The following MRAP2 variants were observed in gnomAD, a reference collection of about 807,000 sequenced individuals.
MRAP2 encodes the protein melanocortin 2 receptor accessory protein 2, also known as melanocortin-2 receptor accessory protein 2.
In MRAP2, 20 loss-of-function variants were observed where a neutral mutation model predicts 17.4. The observed-to-expected ratio is 1.15, with a 90% CI of 0.81 to 1.67. The LOEUF (loss-of-function observed/expected upper bound fraction) is 1.67, where lower values mean the gene tolerates loss of function less well. MRAP2 is among the 40% of genes most tolerant of loss of function. The pLI, the probability that MRAP2 is intolerant of heterozygous loss-of-function variation, is 0.00. For synonymous variants in MRAP2, 96 were observed against 88.4 expected, an observed-to-expected ratio of 1.09 and a Z score of -0.48; for missense variants, 238 against 240.0, an observed-to-expected ratio of 0.99 and a Z score of 0.05.
At chr6:84,060,853 T>A (rs2099492963) in intron 2 of MRAP2, among the ~76,000 whole-genome samples, 1 of 71,000 alleles carries the variant, frequency 1.4e-5, no homozygotes, top group Admixed American at 1.2e-4. Context: ...ACCCGGCTAA[T>A]TTTTTTTTTT....
At position 84,038,120 on chromosome 6, in the gene MRAP2, T is replaced by C. The variant is rs71570706; in HGVS notation, c.-8+4237T>C. On this transcript the variant is annotated intron_variant, in intron 1 of 3. Transcript: ENST00000257776. ...TTGGGCAAAGGATGTCTGAAGATGATCTGGGAGCCAGGTGGGGCCACATGG... is the reference window on the plus strand; with the variant it reads ...TTGGGCAAAGGATGTCTGAAGATGACCTGGGAGCCAGGTGGGGCCACATGG... Among the ~76,000 whole-genome samples, 672 of 152,272 alleles carry C rather than the reference T, an allele frequency of 4.4e-3. 3 individuals carry two copies. Among genetic ancestry groups the C allele is most frequent in the Non-Finnish European group, 6.8e-3 (464 of 68,020 alleles).
chr6:84,051,285 G>A (rs1461982807), intron 1 of MRAP2, among the ~76,000 whole-genome samples: 2 of 152,302 alleles, frequency 1.3e-5, no homozygotes, highest in South Asian at 2.1e-4. Flanking sequence ...GACTGGGCAC[G>A]GTGACTACAC....
intron 3 of MRAP2, among the ~76,000 whole-genome samples, chr6:84,081,433 C>T (rs1429472377): frequency 6.6e-6 from 1 of 152,160 alleles, no homozygotes; most frequent in African/African-American, 2.4e-5. Context: ...TGGGAGGAAC[C>T]TGGTAGGAGG....
intron 3 of MRAP2, among the ~76,000 whole-genome samples, chr6:84,073,803 G>A (rs559577540): frequency 1.3e-5 from 2 of 151,970 alleles, no homozygotes; most frequent in African/African-American, 2.4e-5. Flanking sequence ...TCCAACCTGC[G>A]GCCCAGAATA....
the MRAP2 span, among the ~76,000 whole-genome samples, chr6:84,126,883 A>G: frequency 2.6e-3 from 390 of 152,312 alleles, 2 homozygotes; most frequent in African/African-American, 8.3e-3. Context: ...TCAACATAGT[A>G]CAGTGCCCCA....
intron 2 of MRAP2, chr6:84,062,613 A>T (rs2099493440): frequency 1.0e-6 from 1 of 985,302 alleles, no homozygotes; most frequent in Admixed American, 6.1e-5. Context: ...GTCCTAGATA[A>T]CCTATGCTCT....
chr6:84,113,749 T>C, the MRAP2 span, among the ~76,000 whole-genome samples: 3 of 152,228 alleles, frequency 2.0e-5, no homozygotes, highest in Admixed American at 6.5e-5. Context: ...ACTTCAGTGC[T>C]TCCTTCAGGA....
intron 1 of MRAP2, among the ~76,000 whole-genome samples, chr6:84,037,551 G>A (rs1032885931): frequency 2.0e-5 from 3 of 149,484 alleles, no homozygotes; most frequent in Non-Finnish European, 4.4e-5. Flanking sequence ...GGGGAGGCTC[G>A]GGCAGTGCGG....
At chr6:84,117,644 T>C in the MRAP2 span, among the ~76,000 whole-genome samples, 2,676 of 104,602 alleles carry the variant, frequency 0.026, 89 homozygotes, top group African/African-American at 0.21. Context: ...GGATGTGGGG[T>C]GTGTGTCTGT....
the MRAP2 span, among the ~76,000 whole-genome samples, chr6:84,135,719 C>T: frequency 6.6e-6 from 1 of 151,948 alleles, no homozygotes; most frequent in Non-Finnish European, 1.5e-5. Context: ...AAAAATTAGC[C>T]GGGTGTGATG....
intron 3 of MRAP2, among the ~76,000 whole-genome samples, chr6:84,084,768 T>C (rs965090907): frequency 6.6e-6 from 1 of 152,142 alleles, no homozygotes; most frequent in African/African-American, 2.4e-5. Context: ...ATGATGCCCA[T>C]TGAGTTTGTG....
At chr6:84,119,557 G>A in the MRAP2 span, among the ~76,000 whole-genome samples, 1 of 152,142 alleles carries the variant, frequency 6.6e-6, no homozygotes, top group African/African-American at 2.4e-5. Flanking sequence ...CATTGCCTGA[G>A]CCAGAAATTC....
the MRAP2 span, among the ~76,000 whole-genome samples, chr6:84,127,831 A>G: frequency 6.6e-6 from 1 of 152,164 alleles, no homozygotes; most frequent in Non-Finnish European, 1.5e-5. Flanking sequence ...GGGATGGCCA[A>G]TGACTAGTGA....
intron 2 of MRAP2, among the ~76,000 whole-genome samples, chr6:84,058,043 AAG>A (rs917997386): frequency 1.4e-4 from 21 of 152,146 alleles, no homozygotes; most frequent in Non-Finnish European, 2.6e-4. Context: ...AACGAAGTCA[AAG>A]AGGCTGTGGG....
chr6:84,050,279 A>G (rs147998431), intron 1 of MRAP2, among the ~76,000 whole-genome samples: 118 of 152,330 alleles, frequency 7.7e-4, no homozygotes, highest in African/African-American at 2.6e-3. Flanking sequence ...AAGCAGAAGT[A>G]AACTTGAGAA....
At chr6:84,083,048 AC>A (rs1256051839) in intron 3 of MRAP2, among the ~76,000 whole-genome samples, 1 of 152,066 alleles carries the variant, frequency 6.6e-6, no homozygotes, top group Admixed American at 6.6e-5. Flanking sequence ...GTGCGACCCG[AC>A]CCCGGCCAAT....
the MRAP2 span, among the ~76,000 whole-genome samples, chr6:84,136,494 A>AT: frequency 6.6e-6 from 1 of 152,198 alleles, no homozygotes. Context: ...AAATTTAAAC[A>AT]TAAGTTTTGG....
chr6:84,055,476 A>ACG (rs2099491456), intron 2 of MRAP2, 31 bp downstream of exon 2: 2 of 1,601,328 alleles, frequency 1.2e-6, no homozygotes, highest in African/African-American at 2.7e-5. Context: ...CATTGAAAGC[A>ACG]TAATTGTATT....
At chr6:84,132,686 A>C in the MRAP2 span, among the ~76,000 whole-genome samples, 3 of 152,130 alleles carry the variant, frequency 2.0e-5, no homozygotes, top group South Asian at 6.2e-4. Context: ...CATGGTTTTC[A>C]GCTCCATCAG....
Sources: gnomAD v4.1 joint callset for allele counts (sites outside exome capture counted in the v4.1 genomes callset) on GRCh38, gnomAD v4.1.1 for gene constraint, MANE v1.5 for transcripts, NCBI Gene and HGNC (gene_info 2026-07-23, HGNC 2026-07-21) for gene names.